The following MAU2 variants were observed in gnomAD, a reference collection of about 807,000 sequenced individuals.
MAU2 encodes the protein MAU2 sister chromatid cohesion factor, also known as MAU2 chromatid cohesion factor homolog.
MAU2 carries 9 observed loss-of-function variants against 89.1 expected under a neutral mutation model. That is an observed-to-expected ratio of 0.10 (90% CI 0.06 to 0.18). MAU2 has a LOEUF of 0.18. MAU2 is among the 10% of genes least tolerant of loss of function. The pLI is 1.00. For synonymous variants in MAU2, 357 were observed against 343.4 expected, an observed-to-expected ratio of 1.04 and a Z score of -0.44; for missense variants, 425 against 803.5, an observed-to-expected ratio of 0.53 and a Z score of 5.69.
intron 16 of MAU2, chr19:19,352,205 A>C (rs536350242): frequency 6.6e-6 from 1 of 150,422 alleles, no homozygotes; most frequent in East Asian, 2.0e-4. Context: ...TCTTAATGGC[A>C]ATGAGTGTTT....
chr19:19,339,009 C>T, intron 5 of MAU2, 70 bp downstream of exon 5: 1 of 1,246,550 alleles, frequency 8.0e-7, no homozygotes, highest in Non-Finnish European at 1.1e-6. Flanking sequence ...TGGTCCAGGA[C>T]AAATAACAGA....
rs756329855 is a variant in MAU2 at position 19,341,404 on chromosome 19, G to A, written c.732G>A (p.Gly244=). Residue 244 remains glycine, a synonymous_variant, in exon 7 of 19, where the codon GGG becomes GGA. Coordinates refer to ENST00000262815, the MANE Select transcript of MAU2 (RefSeq NM_015329.4). ...AGGTCACCCACTATCTGGATGCCGG[G>A]CAGGTGTGTGGCGCCTCTCAGGCGA... The part of the protein sequence containing the change: ...VLQVTHYLDA[G]QVKSVKPCLK... 1 of 1,613,636 alleles carries A rather than the reference G, an allele frequency of 6.2e-7. No individual in the cohort carries two copies. The highest frequency in any genetic ancestry group is 2.2e-5 in the East Asian group (1 of 44,882).
intron 6 of MAU2, 115 bp from the exon 7 acceptor site, chr19:19,341,137 C>A: frequency 7.7e-7 from 1 of 1,292,554 alleles, no homozygotes; most frequent in South Asian, 1.4e-5. Context: ...GCTGGCCTTG[C>A]CCTCTGGATT....
intron 4 of MAU2, among the ~76,000 whole-genome samples, chr19:19,337,589 G>A (rs954825437): frequency 6.6e-6 from 1 of 152,142 alleles, no homozygotes; most frequent in Non-Finnish European, 1.5e-5. Context: ...CCTCCCAGCC[G>A]TTCTCATCTC....
chr19:19,355,835 C>T lies in MAU2; in HGVS notation c.*53C>T, dbSNP rs940624920. ...AGGGCCTGCGCGTCTCCGGCTTCCA[C>T]CCAGACGGCACTCAAGCCTGCCCCC... On this transcript the variant is annotated 3_prime_UTR_variant, in exon 19 of 19. Transcript: ENST00000262815. 2.0e-6 allele frequency: 3 copies of T among 1,513,626 alleles called. No individual in the cohort carries two copies. The highest frequency in any genetic ancestry group is 2.7e-5 in the African/African-American group (2 of 73,260). 93.8% of individuals were successfully genotyped at this position (1,513,626 alleles called of 1,614,324 possible).
intron 4 of MAU2, among the ~76,000 whole-genome samples, chr19:19,337,800 C>T (rs1198294271): frequency 2.0e-5 from 3 of 152,224 alleles, no homozygotes; most frequent in South Asian, 4.1e-4. Flanking sequence ...CACACAGTTC[C>T]TCCTCATGCT....
At chr19:19,342,483 GCT>G in intron 7 of MAU2, 50 bp from the exon 8 acceptor site, 19 of 1,507,946 alleles carry the variant, frequency 1.3e-5, no homozygotes, top group Admixed American at 4.4e-5. Context: ...GCTGGGCCTG[GCT>G]TCCTGAGAGG....
chr19:19,350,626 CAT>C (rs2061735384), intron 16 of MAU2, among the ~76,000 whole-genome samples: 1 of 150,162 alleles, frequency 6.7e-6, no homozygotes, highest in South Asian at 2.1e-4. Flanking sequence ...AAAGGCCGGG[CAT>C]GGTGGCTCAC....
chr19:19,331,674 G>C (rs1410957077), intron 1 of MAU2, among the ~76,000 whole-genome samples: 5 of 151,992 alleles, frequency 3.3e-5, no homozygotes, highest in Admixed American at 3.3e-4. Flanking sequence ...GGCTGAAATG[G>C]GACGATCACC....
chr19:19,333,665 C>T (rs1568654030), intron 1 of MAU2, among the ~76,000 whole-genome samples: 1 of 152,224 alleles, frequency 6.6e-6, no homozygotes, highest in Non-Finnish European at 1.5e-5. Context: ...GTCGTCAGCT[C>T]TGGGGAGAGC....
intron 1 of MAU2, among the ~76,000 whole-genome samples, chr19:19,329,747 G>GTGCATCACCTGAGGTC (rs2061539663): frequency 6.6e-6 from 1 of 151,822 alleles, no homozygotes; most frequent in Non-Finnish European, 1.5e-5. Flanking sequence ...GCTAAGGCGG[G>GTGCATCACCTGAGGTC]AGGAGTTTGA....
intron 1 of MAU2, among the ~76,000 whole-genome samples, chr19:19,322,395 T>C (rs2146645187): frequency 6.6e-6 from 1 of 152,256 alleles, no homozygotes; most frequent in South Asian, 2.1e-4. Context: ...CCCCAGGAGT[T>C]TGAGACCAGC....
In MAU2 at chr19:19,347,368, T is replaced by G. The variant is rs2061701645; in HGVS notation, c.1308+2T>G. ...GAAGGAAATAGACACCAAGAGGTAG[T>G]AGGTGACATGCTTCATGTTCGGTAT... On this transcript the variant is annotated splice_donor_variant, in intron 13 of 18. Transcript: ENST00000262815. LOFTEE classifies it high-confidence loss of function. 6.2e-7 allele frequency: 1 copy of G among 1,609,986 alleles called. No individual in the cohort carries two copies. Among genetic ancestry groups the G allele is most frequent in the African/African-American group, 1.3e-5 (1 of 74,834 alleles).
intron 1 of MAU2, among the ~76,000 whole-genome samples, chr19:19,326,704 A>ATATATATATATACACATATATATATGTG (rs1568648601): frequency 6.3e-4 from 19 of 30,254 alleles, no homozygotes; most frequent in South Asian, 1.0e-3. Flanking sequence ...ATATATATGT[A>ATATATATATATACACATATATATATGTG]TATATATATA....
chr19:19,329,744 C>T (rs1472604742), intron 1 of MAU2, among the ~76,000 whole-genome samples: 3 of 150,980 alleles, frequency 2.0e-5, no homozygotes, highest in East Asian at 3.9e-4. Context: ...GAGGCTAAGG[C>T]GGGAGGAGTT....
chr19:19,327,527 G>A (rs1332745533), intron 1 of MAU2, among the ~76,000 whole-genome samples: 7 of 151,750 alleles, frequency 4.6e-5, no homozygotes, highest in East Asian at 3.9e-4. Context: ...GGGTTTCACC[G>A]TGTTAGCCAG....
chr19:19,349,999 TAAG>T (rs2061729143), intron 16 of MAU2, among the ~76,000 whole-genome samples: 1 of 149,098 alleles, frequency 6.7e-6, no homozygotes, highest in African/African-American at 2.5e-5. Context: ...TTTTTTTTTT[TAAG>T]AAGATATTTT....
intron 7 of MAU2, 65 bp downstream of exon 7, chr19:19,341,472 A>G (rs571296293): frequency 3.5e-5 from 55 of 1,586,368 alleles, no homozygotes; most frequent in Non-Finnish European, 4.1e-5. Flanking sequence ...ACCCAGGCCA[A>G]TGGGTCTTGG....
chr19:19,345,618 G>A lies in MAU2; in HGVS notation c.1221+249G>A, dbSNP rs551400082. Among the ~76,000 whole-genome samples the A allele has an allele frequency of 1.3e-5, 2 of 152,314 alleles. No individual in the cohort carries two copies. Among genetic ancestry groups the A allele is most frequent in the South Asian group, 2.1e-4 (1 of 4,826 alleles). ...GGCAGACGTGAGGGAGAGGTGCGACGCGTCCGGGGACACCACTTTCATGCC... is the reference window on the plus strand; with the variant it reads ...GGCAGACGTGAGGGAGAGGTGCGACACGTCCGGGGACACCACTTTCATGCC... On this transcript the variant is annotated intron_variant, in intron 12 of 18. Transcript: ENST00000262815. This position sits in a 1 kb window ranked among gnomAD's most constrained non-coding sequence, Gnocchi z 4.9.
Sources: gnomAD v4.1 joint callset for allele counts (sites outside exome capture counted in the v4.1 genomes callset) on GRCh38, gnomAD v4.1.1 for gene constraint, Gnocchi (gnomAD v3.1) non-coding constraint, MANE v1.5 for transcripts, NCBI Gene and HGNC (gene_info 2026-07-23, HGNC 2026-07-21) for gene names.